The following TMX3 variants were observed in gnomAD, a reference collection of about 807,000 sequenced individuals.
The protein encoded by TMX3 is protein disulfide-isomerase TMX3.
A neutral mutation model predicts 64.4 loss-of-function variants in TMX3; 40 were observed. The ratio of observed to expected loss-of-function variants is 0.62; its 90% CI spans 0.48 to 0.81. TMX3 has a LOEUF of 0.81. TMX3 is among the 30% of genes least tolerant of loss of function. The pLI is 0.00. For missense variants in TMX3, 497 were observed against 534.5 expected, an observed-to-expected ratio of 0.93 and a Z score of 0.69; for synonymous variants, 189 against 175.7, an observed-to-expected ratio of 1.08 and a Z score of -0.60.
At chr18:68,689,422 G>A (rs934565065) in intron 9 of TMX3, among the ~76,000 whole-genome samples, 1 of 150,840 alleles carries the variant, frequency 6.6e-6, no homozygotes, top group African/African-American at 2.4e-5. Flanking sequence ...AAGAAACAAA[G>A]TGCCTCTCTG....
At chr18:68,680,096 G>C (rs1913274562) in intron 14 of TMX3, among the ~76,000 whole-genome samples, 1 of 152,144 alleles carries the variant, frequency 6.6e-6, no homozygotes, top group South Asian at 2.1e-4. Flanking sequence ...TTATATAGGT[G>C]AGAGTTTCAT....
intron 12 of TMX3, among the ~76,000 whole-genome samples, chr18:68,683,809 G>A (rs1913678493): frequency 6.6e-6 from 1 of 151,698 alleles, no homozygotes; most frequent in Admixed American, 6.6e-5. Context: ...GGTCAACCAT[G>A]GTCTGAAAAT....
At position 68,673,701 on chromosome 18, in the gene TMX3, ATTACT is replaced by A. The variant is rs1286468542; in HGVS notation, c.*3227_*3231del. On this transcript the variant is annotated 3_prime_UTR_variant, in exon 16 of 16. Transcript: ENST00000299608. ...AATAAGAAACAATTGCAGGTTTTCAATTACTTTATTTTAGAAAAACAAAGGTTTAC... is the reference window on the plus strand; with the variant it reads ...AATAAGAAACAATTGCAGGTTTTCAATTATTTTAGAAAAACAAAGGTTTAC... 12 of 152,178 alleles carry A rather than the reference ATTACT, an allele frequency of 7.9e-5. No individual in the cohort carries two copies. The highest frequency in any genetic ancestry group is 1.3e-4 in the Non-Finnish European group (9 of 68,030). 9.4% of individuals were successfully genotyped at this position (152,178 alleles called of 1,614,324 possible). A position where few individuals can be genotyped will look rare whatever the true frequency, so the allele number is the denominator to read the frequency against.
Position 68,699,021 on chromosome 18 carries a change from C to CAA in TMX3, c.393-992_393-991dup, listed in dbSNP as rs986705714. Among the ~76,000 whole-genome samples, 163 of 91,956 alleles carry CAA rather than the reference C, an allele frequency of 1.8e-3. 1 individual carries two copies. Among genetic ancestry groups the CAA allele is most frequent in the African/African-American group, 6.8e-3 (159 of 23,464 alleles). The allele number at this position is 91,956 out of a possible 152,430, so 60.3% of individuals were successfully genotyped here. A position where few individuals can be genotyped will look rare whatever the true frequency, so the allele number is the denominator to read the frequency against. ...TGGGCGAAAGAGCGAGACTCCGCCTCAAAAAAAAAAAAACCAAAAACTAAG... is the reference window on the plus strand; with the variant it reads ...TGGGCGAAAGAGCGAGACTCCGCCTCAAAAAAAAAAAAAAACCAAAAACTAAG... On this transcript the variant is annotated intron_variant, in intron 6 of 15. Transcript: ENST00000299608.
At chr18:68,684,055 A>G in intron 12 of TMX3, 135 bp downstream of exon 12, 1 of 701,900 alleles carries the variant, frequency 1.4e-6, no homozygotes, top group South Asian at 1.8e-5. Context: ...CCTGTGGATA[A>G]GCGAGGATTA....
intron 12 of TMX3, among the ~76,000 whole-genome samples, 163 bp from the exon 13 acceptor site, chr18:68,683,144 C>G (rs974221460): frequency 6.6e-6 from 1 of 152,176 alleles, no homozygotes; most frequent in East Asian, 1.9e-4. Context: ...AAATCATATA[C>G]AATAAACACT....
intron 8 of TMX3, among the ~76,000 whole-genome samples, chr18:68,693,280 C>G (rs1914704447): frequency 6.6e-6 from 1 of 152,156 alleles, no homozygotes; most frequent in South Asian, 2.1e-4. Flanking sequence ...CTCCGTGGAG[C>G]CAGCGGGGGC....
At position 68,707,846 on chromosome 18, in the gene TMX3, G is replaced by A. The variant is rs2030826986; in HGVS notation, c.265+2175C>T. Among the ~76,000 whole-genome samples the A allele has an allele frequency of 2.0e-5, 3 of 152,134 alleles. No homozygotes were observed. In the South Asian group the frequency reaches 6.2e-4, roughly 32 times the overall value. ...TGACAAATAGTACTTGGTAAATATT[G>A]ATTGAGTGAATACATGAATAAGCGC... On this transcript the variant is annotated intron_variant, in intron 4 of 15. Coordinates refer to ENST00000299608, the MANE Select transcript of TMX3 (RefSeq NM_019022.5).
At position 68,715,057 on chromosome 18, in the gene TMX3, C is replaced by A. The variant is rs1454153426; in HGVS notation, c.-76G>T. Reference sequence around the variant, plus strand: ...CACTGGGGTCCGCCGCCTGCCCGCCCGGAAAGGGAAACGGAGCCGACCCGG... The same window carrying A: ...CACTGGGGTCCGCCGCCTGCCCGCCAGGAAAGGGAAACGGAGCCGACCCGG... On this transcript the variant is annotated 5_prime_UTR_variant, in exon 1 of 16. Coordinates refer to ENST00000299608, the MANE Select transcript of TMX3 (RefSeq NM_019022.5). 1.3e-6 allele frequency: 2 copies of A among 1,546,546 alleles called. No homozygotes were observed. Among genetic ancestry groups the A allele is most frequent in the Admixed American group, 2.0e-5 (1 of 50,730 alleles).
chr18:68,709,341 T>C (rs2031031385), intron 4 of TMX3, among the ~76,000 whole-genome samples: 1 of 152,144 alleles, frequency 6.6e-6, no homozygotes, highest in Admixed American at 6.5e-5. Flanking sequence ...CAGGTGTCGG[T>C]ATAAAAGGTC....
rs1232557718 is a variant in TMX3, at chr18:68,702,157, G to A, written c.266-367C>T. Among the ~76,000 whole-genome samples the A allele has an allele frequency of 1.8e-4, 23 of 125,124 alleles. No homozygotes were observed. In the Admixed American group the frequency reaches 2.1e-3, roughly 11 times the overall value. The allele number at this position is 125,124 out of a possible 152,430, so 82.1% of individuals were successfully genotyped here. A position where few individuals can be genotyped will look rare whatever the true frequency, so the allele number is the denominator to read the frequency against. On this transcript the variant is annotated intron_variant, in intron 4 of 15. Coordinates refer to ENST00000299608, the MANE Select transcript of TMX3 (RefSeq NM_019022.5). ...ATGTCCAAGACAAATATTTCTTCTA[G>A]GTCTCATTTACTCCTCTCAAAAAAA...
intron 4 of TMX3, among the ~76,000 whole-genome samples, chr18:68,708,033 GTGTA>G (rs2030884567): frequency 3.0e-5 from 4 of 131,266 alleles, no homozygotes; most frequent in African/African-American, 1.6e-4. Context: ...ATGTGTATAT[GTGTA>G]TATATGTGTA....
Position 68,677,102 on chromosome 18 carries a change from G to A in TMX3, c.1196C>T (p.Ala399Val). ...TTCTATATAACCTCCATCTGTGTCG[G>A]CTGTGTAGATTCCATAGCACATGAT... is the stretch of plus-strand genomic sequence containing the variant. ...ISIMCYGIYT[A>V]DTDGGYIEER... The change falls in exon 16 of 16, where the codon GCC becomes GTC. Residue 399 changes from alanine to valine, a missense_variant. Ala to Val is a moderately conservative substitution (Grantham distance 64). This residue lies in a region of TMX3 where 94 missense variants were observed against 75.8 expected (regional missense o/e 1.24). Coordinates refer to ENST00000299608, the MANE Select transcript of TMX3 (RefSeq NM_019022.5). 1 of 1,613,758 alleles carries A rather than the reference G, an allele frequency of 6.2e-7. No individual in the cohort carries two copies. The highest frequency in any genetic ancestry group is 8.5e-7 in the Non-Finnish European group (1 of 1,179,784).
Position 68,679,713 on chromosome 18 carries a change from C to G in TMX3, c.1036-182G>C, listed in dbSNP as rs1193055568. 5.6e-6 allele frequency: 3 copies of G among 538,202 alleles called. No homozygotes were observed. In the East Asian group the frequency reaches 9.8e-5, roughly 17 times the overall value. 33.3% of individuals were successfully genotyped at this position (538,202 alleles called of 1,614,324 possible). ...TGTCTGTGTCATGTCCAGCATTCCTCCTGCCTGCTTGTGTTAATTCACCCT... is the reference window on the plus strand; with the variant it reads ...TGTCTGTGTCATGTCCAGCATTCCTGCTGCCTGCTTGTGTTAATTCACCCT... On this transcript the variant is annotated intron_variant, in intron 14 of 15. Transcript: ENST00000299608.
intron 2 of TMX3, among the ~76,000 whole-genome samples, chr18:68,713,342 T>C (rs1232486241): frequency 1.3e-5 from 2 of 152,208 alleles, no homozygotes; most frequent in African/African-American, 4.8e-5. Context: ...GGCCGAATCC[T>C]TGACTACCAC....
At position 68,675,467 on chromosome 18, in the gene TMX3, TAC is replaced by T. The variant is rs1912847999; in HGVS notation, c.*1464_*1465del. ...TTAGTACTTAAGATGCAAGTGTCCA[TAC>T]AGTCTTGATTAGTACGGCATTAGAA... On this transcript the variant is annotated 3_prime_UTR_variant, in exon 16 of 16. Transcript: ENST00000299608. 1 of 152,170 alleles carries T rather than the reference TAC, an allele frequency of 6.6e-6. No individual in the cohort carries two copies. Among genetic ancestry groups the T allele is most frequent in the African/African-American group, 2.4e-5 (1 of 41,446 alleles). The allele number at this position is 152,170 out of a possible 1,614,324, so 9.4% of individuals were successfully genotyped here.
intron 5 of TMX3, 128 bp downstream of exon 5, chr18:68,701,617 T>A (rs898931284): frequency 6.5e-7 from 1 of 1,533,262 alleles, no homozygotes; most frequent in Non-Finnish European, 8.8e-7. Flanking sequence ...ATTACATACT[T>A]CACCTATGAA....
intron 8 of TMX3, among the ~76,000 whole-genome samples, chr18:68,694,855 G>A (rs1050010594): frequency 2.0e-5 from 3 of 151,952 alleles, no homozygotes; most frequent in East Asian, 1.9e-4. Context: ...CACCTACTTC[G>A]GCAAGTCTGT....
chr18:68,691,071 AAAC>A (rs1302170339), intron 9 of TMX3: 8 of 391,694 alleles, frequency 2.0e-5, no homozygotes, highest in Non-Finnish European at 3.2e-5. Flanking sequence ...ATAATTTAAC[AAAC>A]AACAACAAAA....
Sources: allele counts gnomAD v4.1 joint callset (sites outside exome capture counted in the v4.1 genomes callset), GRCh38; gene constraint gnomAD v4.1.1; regional missense constraint gnomAD v4.1.1; transcripts MANE v1.5; gene names NCBI Gene and HGNC (gene_info 2026-07-23, HGNC 2026-07-21).